Variants in IFT43 observed in about 807,000 individuals in gnomAD.
The protein encoded by IFT43 is intraflagellar transport protein 43 homolog.
In IFT43, 33 loss-of-function variants were observed where a neutral mutation model predicts 32.3. The ratio of observed to expected loss-of-function variants is 1.02; its 90% CI spans 0.77 to 1.37. The LOEUF is 1.37. Ranked by LOEUF, IFT43 falls within the 40% of genes most tolerant of loss-of-function variation. The pLI is 0.00. For synonymous variants in IFT43, 93 were observed against 98.2 expected (o/e 0.95, Z 0.31); for missense variants, 274 against 265.9 (o/e 1.03, Z -0.21).
rs188127251 is a variant in IFT43 at position 76,034,068 on chromosome 14, G to A, written c.215+11674G>A. On this transcript the variant is annotated intron_variant, in intron 3 of 8. Coordinates refer to ENST00000314067, the MANE Select transcript of IFT43 (RefSeq NM_001102564.3). ...CTAGTTACAGCAGAGAATTGACCCC[G>A]GAAAATAGCGTATTCACCTTAAATT... 1.1e-4 allele frequency among the ~76,000 whole-genome samples: 16 copies of A among 152,272 alleles called. No individual in the cohort carries two copies. In the East Asian group the frequency reaches 1.7e-3, roughly 17 times the overall value.
At chr14:76,018,621 T>G (rs1218128771) in intron 2 of IFT43, among the ~76,000 whole-genome samples, 1 of 152,180 alleles carries the variant, frequency 6.6e-6, no homozygotes, top group East Asian at 1.9e-4. Flanking sequence ...TCTGTCTAGA[T>G]GATCTCTCCA....
intron 2 of IFT43, among the ~76,000 whole-genome samples, chr14:75,990,529 T>C (rs758155613): frequency 2.0e-5 from 3 of 152,252 alleles, no homozygotes; most frequent in Non-Finnish European, 2.9e-5. Flanking sequence ...AGAATAGGCC[T>C]GCAATTGTTA....
chr14:76,053,720 T>C (rs1228190687), intron 3 of IFT43, among the ~76,000 whole-genome samples: 1 of 152,242 alleles, frequency 6.6e-6, no homozygotes, highest in Non-Finnish European at 1.5e-5. Flanking sequence ...CAGTGAGTGA[T>C]GGAGTAGCTC....
rs776994656 is a variant in IFT43, at chr14:76,083,536, A to T, written c.586A>T (p.Thr196Ser). 33 of 1,614,154 alleles carry T rather than the reference A, an allele frequency of 2.0e-5. No homozygotes were observed. Among genetic ancestry groups the T allele is most frequent in the Non-Finnish European group, 2.8e-5 (33 of 1,180,034 alleles). The change falls in exon 9 of 9, where the codon ACG (threonine) becomes TCG (serine). Residue 196 changes from threonine (T) to serine (S), a missense_variant. By Grantham distance (58) the Thr-to-Ser change is moderately conservative. Coordinates refer to ENST00000314067, the MANE Select transcript of IFT43 (RefSeq NM_001102564.3). ...EVLTEWDPLQ[T>S]EKEDPAGQAR... ...CCTCACTGAGTGGGACCCACTGCAG[A>T]CGGAGAAGGAGGACCCTGCGGGGCA... is the stretch of plus-strand genomic sequence containing the variant.
At chr14:76,060,146 TTG>T (rs1323851178) in intron 5 of IFT43, among the ~76,000 whole-genome samples, 2 of 152,116 alleles carry the variant, frequency 1.3e-5, no homozygotes, top group African/African-American at 2.4e-5. Context: ...AAGATGAAGT[TTG>T]TGTGTGTCTC....
At chr14:76,012,191 T>C (rs895373585) in intron 2 of IFT43, among the ~76,000 whole-genome samples, 2 of 152,218 alleles carry the variant, frequency 1.3e-5, no homozygotes, top group Non-Finnish European at 2.9e-5. Flanking sequence ...GCCTGATTCA[T>C]ATTTTGGGGT....
chr14:76,075,181 T>C (rs536418176), intron 5 of IFT43, among the ~76,000 whole-genome samples: 8 of 152,354 alleles, frequency 5.3e-5, no homozygotes, highest in Admixed American at 1.3e-4. Flanking sequence ...TGGTCAGTCC[T>C]GTTCCACACC....
intron 7 of IFT43, 36 bp downstream of exon 7, chr14:76,082,728 C>T (rs1474063644): frequency 7.1e-7 from 1 of 1,412,238 alleles, no homozygotes; most frequent in South Asian, 1.1e-5. Context: ...GAGGCGGGCT[C>T]CAAGCAATGG....
chr14:76,076,968 C>A (rs142610811), intron 5 of IFT43, among the ~76,000 whole-genome samples: 1 of 151,670 alleles, frequency 6.6e-6, no homozygotes, highest in South Asian at 2.1e-4. Context: ...TGTTGGGTGT[C>A]GGCAGAGTAG....
chr14:76,035,936 G>A (rs557097031), intron 3 of IFT43, among the ~76,000 whole-genome samples: 1 of 152,320 alleles, frequency 6.6e-6, no homozygotes, highest in South Asian at 2.1e-4. Context: ...AAAAGACAGG[G>A]AAGTACTATG....
intron 2 of IFT43, among the ~76,000 whole-genome samples, chr14:76,015,823 TC>T (rs1566708486): frequency 6.6e-6 from 1 of 152,224 alleles, no homozygotes; most frequent in East Asian, 1.9e-4. Context: ...CCATTTGATA[TC>T]CGTTAGTAAA....
At chr14:76,066,102 G>C (rs2037221275) in intron 5 of IFT43, among the ~76,000 whole-genome samples, 1 of 152,232 alleles carries the variant, frequency 6.6e-6, no homozygotes. Flanking sequence ...TCCACAGGTA[G>C]TTTGTATTAA....
chr14:75,989,407 CTT>C (rs899711993), intron 2 of IFT43, among the ~76,000 whole-genome samples: 1 of 151,982 alleles, frequency 6.6e-6, no homozygotes, highest in African/African-American at 2.4e-5. Context: ...ACTGGCCTTA[CTT>C]TCCTGGAAAC....
At chr14:76,068,155 A>G (rs2037258225) in intron 5 of IFT43, among the ~76,000 whole-genome samples, 1 of 152,214 alleles carries the variant, frequency 6.6e-6, no homozygotes, top group Non-Finnish European at 1.5e-5. Flanking sequence ...CAGAAGAGGA[A>G]CTGATCCCTG....
chr14:76,049,444 T>TA (rs1221380692), intron 3 of IFT43, among the ~76,000 whole-genome samples: 1 of 112,608 alleles, frequency 8.9e-6, no homozygotes, highest in Non-Finnish European at 1.8e-5. Flanking sequence ...TTGTAGTTTT[T>TA]AAAAAGCTGT....
chr14:76,018,050 G>A (rs2139944921), intron 2 of IFT43, among the ~76,000 whole-genome samples: 1 of 151,300 alleles, frequency 6.6e-6, no homozygotes, highest in East Asian at 1.9e-4. Context: ...ATTTTGTTTA[G>A]TTCTGCTCTG....
intron 5 of IFT43, among the ~76,000 whole-genome samples, chr14:76,075,164 C>T (rs574181996): frequency 1.3e-5 from 2 of 152,328 alleles, no homozygotes; most frequent in South Asian, 4.1e-4. Context: ...CACACGCATG[C>T]TGCGTATGGT....
intron 3 of IFT43, among the ~76,000 whole-genome samples, chr14:76,025,132 A>G (rs561006681): frequency 1.3e-5 from 2 of 152,350 alleles, no homozygotes; most frequent in South Asian, 2.1e-4. Context: ...GAATTTAACT[A>G]CTTAAGATAT....
chr14:76,033,931 G>A (rs1340107688), intron 3 of IFT43, among the ~76,000 whole-genome samples: 3 of 152,232 alleles, frequency 2.0e-5, no homozygotes, highest in Non-Finnish European at 4.4e-5. Context: ...GTGTCTTATA[G>A]CGGAGATAGG....
Sources: gnomAD v4.1 joint callset for allele counts (sites outside exome capture counted in the v4.1 genomes callset) on GRCh38, gnomAD v4.1.1 for gene constraint, MANE v1.5 for transcripts, NCBI Gene and HGNC (gene_info 2026-07-23, HGNC 2026-07-21) for gene names.